The following SORCS1 variants were observed in gnomAD, a reference collection of about 807,000 sequenced individuals.
SORCS1 encodes the protein VPS10 domain-containing receptor SorCS1.
In SORCS1, 60 loss-of-function variants were observed where a neutral mutation model predicts 146.1. The ratio of observed to expected loss-of-function variants is 0.41; its 90% CI spans 0.33 to 0.51. The LOEUF is 0.51. Among genes scored for constraint, SORCS1 ranks in the 20% least tolerant of loss-of-function variants. The probability of loss-of-function intolerance (pLI) is 0.21; values close to 1 mark genes in which losing one functional copy is unlikely to be tolerated. For synonymous variants in SORCS1, 637 were observed against 584.0 expected (o/e 1.09, Z -1.31); for missense variants, 1,352 against 1,487.6 (o/e 0.91, Z 1.50).
At chr10:106,994,991 C>T (rs11193154) in intron 1 of SORCS1, among the ~76,000 whole-genome samples, 27,382 of 151,946 alleles carry the variant, frequency 0.18, 7,962 homozygotes, top group African/African-American at 0.61. Flanking sequence ...ATAAAACATA[C>T]AGGAGAGTGG....
At chr10:106,620,262 G>C (rs1847650186) in intron 20 of SORCS1, 166 bp downstream of exon 20, 1 of 754,838 alleles carries the variant, frequency 1.3e-6, no homozygotes. Flanking sequence ...GAGAGAGAGA[G>C]AGAGAACATA....
chr10:107,052,196 AGGCCTGCT>A (rs1402688193), intron 1 of SORCS1, among the ~76,000 whole-genome samples: 1 of 152,098 alleles, frequency 6.6e-6, no homozygotes, highest in African/African-American at 2.4e-5. Flanking sequence ...TTCCCTGTGG[AGGCCTGCT>A]GGCTACTTAC....
chr10:106,682,202 T>C (rs1215341104), intron 10 of SORCS1, among the ~76,000 whole-genome samples: 2 of 152,066 alleles, frequency 1.3e-5, no homozygotes, highest in African/African-American at 4.8e-5. Flanking sequence ...AAAGAAAAGA[T>C]GTCATTTTTC....
At chr10:106,891,504 C>CTGTTTTTTTTTTTTTTTTTTTTTTTTTT (rs1951231158) in intron 2 of SORCS1, among the ~76,000 whole-genome samples, 1 of 97,260 alleles carries the variant, frequency 1.0e-5, no homozygotes, top group African/African-American at 3.6e-5. Flanking sequence ...AATGGGAATT[C>CTGTTTTTTTTTTTTTTTTTTTTTTTTTT]TTTTTTTTTT....
At chr10:106,694,911 A>G (rs1215968513) in intron 9 of SORCS1, among the ~76,000 whole-genome samples, 1 of 152,140 alleles carries the variant, frequency 6.6e-6, no homozygotes, top group Admixed American at 6.5e-5. Context: ...AGTGCTCTTC[A>G]TCATCATTAA....
chr10:106,927,889 A>C (rs965731883), intron 2 of SORCS1, among the ~76,000 whole-genome samples: 8 of 152,186 alleles, frequency 5.3e-5, no homozygotes, highest in African/African-American at 1.9e-4. Context: ...AGGTTCTCCA[A>C]GGCCCCACCA....
At chr10:106,806,664 C>T (rs1041848746) in intron 3 of SORCS1, among the ~76,000 whole-genome samples, 4 of 150,894 alleles carry the variant, frequency 2.7e-5, no homozygotes, top group Non-Finnish European at 5.9e-5. Flanking sequence ...TACAGGTGCC[C>T]GCCACCTCGC....
At chr10:106,840,408 G>C (rs550151924) in intron 2 of SORCS1, among the ~76,000 whole-genome samples, 1 of 152,104 alleles carries the variant, frequency 6.6e-6, no homozygotes, top group South Asian at 2.1e-4. Context: ...AGATGTGAGT[G>C]AATTGCTGTA....
chr10:106,956,144 A>G (rs1373625937), intron 2 of SORCS1, among the ~76,000 whole-genome samples: 1 of 151,818 alleles, frequency 6.6e-6, no homozygotes, highest in Non-Finnish European at 1.5e-5. Context: ...AAAAAAAAAA[A>G]GTTTCCCTGG....
intron 24 of SORCS1, among the ~76,000 whole-genome samples, chr10:106,595,704 G>A (rs1338694868): frequency 6.6e-6 from 1 of 152,202 alleles, no homozygotes; most frequent in African/African-American, 2.4e-5. Context: ...CAGGAAACCA[G>A]AGAATGGTGC....
At chr10:106,611,518 C>T (rs984677238) in intron 22 of SORCS1, among the ~76,000 whole-genome samples, 2 of 152,208 alleles carry the variant, frequency 1.3e-5, no homozygotes, top group African/African-American at 4.8e-5. Context: ...TTGTAGTCAG[C>T]CGAGGACACT....
intron 2 of SORCS1, among the ~76,000 whole-genome samples, chr10:106,883,133 C>T (rs1002279331): frequency 6.6e-6 from 1 of 152,178 alleles, no homozygotes; most frequent in South Asian, 2.1e-4. Context: ...ACTGGCATTT[C>T]AGAGTCAGAT....
At position 107,109,849 on chromosome 10, in the gene SORCS1, G is replaced by T. The variant is rs150247804; in HGVS notation, c.558+54120C>A. Among the ~76,000 whole-genome samples, 345 of 152,266 alleles carry T rather than the reference G, an allele frequency of 2.3e-3. 2 individuals are homozygous for T. The highest frequency in any genetic ancestry group is 7.9e-3 in the African/African-American group (330 of 41,548). ...AAGTCATTTCTTTGCTCCTGCATCT[G>T]ATAGGTAGGCTATTAGAAGCAGCCA... On this transcript the variant is annotated intron_variant, in intron 1 of 25. Transcript: ENST00000263054.
intron 2 of SORCS1, among the ~76,000 whole-genome samples, chr10:106,866,107 G>T (rs1950214092): frequency 6.6e-6 from 1 of 151,744 alleles, no homozygotes; most frequent in South Asian, 2.1e-4. Context: ...CCCCGACTAG[G>T]GCTATTGAGC....
At chr10:106,578,578 A>C (rs11192965) in intron 25 of SORCS1, 2 of 906,552 alleles carry the variant, frequency 2.2e-6, no homozygotes, top group African/African-American at 3.6e-5. Context: ...TAAAAAAAAA[A>C]AAAATTCCCT....
intron 4 of SORCS1, among the ~76,000 whole-genome samples, chr10:106,775,268 C>A (rs573364404): frequency 1.3e-5 from 2 of 152,194 alleles, no homozygotes; most frequent in South Asian, 2.1e-4. Context: ...GGTCAGGCTT[C>A]GCCTCTGTTA....
At chr10:107,106,527 C>T (rs1965317019) in intron 1 of SORCS1, among the ~76,000 whole-genome samples, 1 of 152,080 alleles carries the variant, frequency 6.6e-6, no homozygotes, top group Admixed American at 6.5e-5. Flanking sequence ...TATTGAATGG[C>T]ATTATAACAA....
chr10:106,729,992 T>C, intron 6 of SORCS1, 58 bp downstream of exon 6: 5 of 1,538,008 alleles, frequency 3.3e-6, no homozygotes, highest in Admixed American at 1.7e-5. Flanking sequence ...ACTCAGTTCA[T>C]GACAGAGTCA....
chr10:106,831,380 C>T (rs1179763954), intron 2 of SORCS1, among the ~76,000 whole-genome samples: 1 of 152,060 alleles, frequency 6.6e-6, no homozygotes, highest in East Asian at 1.9e-4. Flanking sequence ...CACACAGCCT[C>T]TACTCTCAAG....
Sources: allele counts gnomAD v4.1 joint callset (sites outside exome capture counted in the v4.1 genomes callset), GRCh38; gene constraint gnomAD v4.1.1; transcripts MANE v1.5; gene names NCBI Gene and HGNC (gene_info 2026-07-23, HGNC 2026-07-21).